DPP10: variants seen among roughly 807,000 people sequenced by gnomAD.
DPP10 encodes the protein inactive dipeptidyl peptidase 10.
Under a neutral mutation model 120.9 loss-of-function variants are expected in DPP10, and 33 were observed. That is an observed-to-expected ratio of 0.27 (90% CI 0.21 to 0.37). DPP10 has a LOEUF of 0.37. Ranked by LOEUF, DPP10 falls within the 10% of genes least tolerant of loss-of-function variation. The pLI is 1.00. For synonymous variants in DPP10, 337 were observed against 326.1 expected, an observed-to-expected ratio of 1.03 and a Z score of -0.36; for missense variants, 816 against 942.8, an observed-to-expected ratio of 0.87 and a Z score of 1.76.
At chr2:115,010,130 A>G (rs968943797) in intron 1 of DPP10, among the ~76,000 whole-genome samples, 1 of 152,222 alleles carries the variant, frequency 6.6e-6, no homozygotes, top group South Asian at 2.1e-4. Context: ...AATTAAGTAA[A>G]GCTAATCCAG....
intron 1 of DPP10, among the ~76,000 whole-genome samples, chr2:115,240,560 A>C (rs533938538): frequency 6.6e-6 from 1 of 151,900 alleles, no homozygotes; most frequent in Non-Finnish European, 1.5e-5. Flanking sequence ...GATTGCAAAA[A>C]TTTTTTCCAA....
intron 1 of DPP10, among the ~76,000 whole-genome samples, chr2:114,841,763 C>A (rs1390009030): frequency 6.6e-6 from 1 of 152,048 alleles, no homozygotes; most frequent in Non-Finnish European, 1.5e-5. Context: ...ACATGGAAAG[C>A]CATGATTGGG....
chr2:115,169,381 T>A (rs773040820), intron 1 of DPP10, among the ~76,000 whole-genome samples: 2 of 152,190 alleles, frequency 1.3e-5, no homozygotes, highest in African/African-American at 2.4e-5. Context: ...TTTGCACTTA[T>A]GTGAATGAAA....
chr2:115,826,364 T>C (rs1688315381), intron 21 of DPP10, among the ~76,000 whole-genome samples: 1 of 152,238 alleles, frequency 6.6e-6, no homozygotes, highest in South Asian at 2.1e-4. Flanking sequence ...ACTTTTTTAT[T>C]GTATAGATAC....
At chr2:115,110,092 C>T (rs4848379) in intron 1 of DPP10, among the ~76,000 whole-genome samples, 31,357 of 152,032 alleles carry the variant, frequency 0.21, 3,978 homozygotes, top group East Asian at 0.36. Flanking sequence ...CCTACCACAG[C>T]GCCTGGCAAA....
At chr2:115,025,237 T>G (rs566784277) in intron 1 of DPP10, among the ~76,000 whole-genome samples, 2 of 152,154 alleles carry the variant, frequency 1.3e-5, no homozygotes, top group East Asian at 3.9e-4. Context: ...CACACATATA[T>G]GTAAGAACAG....
intron 1 of DPP10, among the ~76,000 whole-genome samples, chr2:114,781,985 T>C (rs1051455961): frequency 1.3e-5 from 2 of 152,132 alleles, no homozygotes; most frequent in African/African-American, 4.8e-5. Context: ...TTTTTTATTC[T>C]TTAAATGTCG....
At chr2:115,381,848 T>C (rs2066395221) in intron 3 of DPP10, among the ~76,000 whole-genome samples, 1 of 151,664 alleles carries the variant, frequency 6.6e-6, no homozygotes, top group African/African-American at 2.4e-5. Context: ...GGGGGGTGCC[T>C]CCCAGTTAGG....
At chr2:115,476,032 C>G (rs1008522792) in intron 3 of DPP10, among the ~76,000 whole-genome samples, 1 of 151,956 alleles carries the variant, frequency 6.6e-6, no homozygotes, top group East Asian at 1.9e-4. Context: ...AGTTAAGACT[C>G]GGGGGGACTC....
chr2:115,834,314 C>G (rs1466550752), intron 21 of DPP10, among the ~76,000 whole-genome samples: 3 of 152,164 alleles, frequency 2.0e-5, no homozygotes, highest in African/African-American at 7.2e-5. Context: ...CTGGACCACA[C>G]TTGAGTCATC....
intron 5 of DPP10, among the ~76,000 whole-genome samples, chr2:115,681,400 AG>A (rs1462564070): frequency 1.3e-5 from 2 of 151,758 alleles, no homozygotes; most frequent in Non-Finnish European, 3.0e-5. Flanking sequence ...ATTATGTATG[AG>A]GGTATAGTGT....
chr2:115,065,543 T>C (rs115514527), intron 1 of DPP10: 2,486 of 152,280 alleles, frequency 0.016, 53 homozygotes, highest in African/African-American at 0.047. Flanking sequence ...CTCTTTATGT[T>C]TCAGGGATTC....
At chr2:115,108,697 T>C (rs565425709) in intron 1 of DPP10, among the ~76,000 whole-genome samples, 2 of 152,352 alleles carry the variant, frequency 1.3e-5, no homozygotes, top group South Asian at 2.1e-4. Context: ...AGCCACTTTT[T>C]CTACCATTAC....
At chr2:115,633,033 A>G (rs540047200) in intron 5 of DPP10, among the ~76,000 whole-genome samples, 4 of 152,332 alleles carry the variant, frequency 2.6e-5, no homozygotes, top group East Asian at 1.9e-4. Flanking sequence ...TGATTCCTCA[A>G]GGATCTAGAA....
intron 3 of DPP10, among the ~76,000 whole-genome samples, chr2:115,392,313 G>A (rs1253994580): frequency 6.6e-6 from 1 of 151,732 alleles, no homozygotes; most frequent in Non-Finnish European, 1.5e-5. Context: ...AGCTGTGCTG[G>A]GTTTTATTGT....
chr2:114,494,119 A>C (rs976234890), intron 1 of DPP10, among the ~76,000 whole-genome samples: 1 of 139,726 alleles, frequency 7.2e-6, no homozygotes, highest in Non-Finnish European at 1.6e-5. Context: ...AAAAAAAAAA[A>C]AACCCAGCAA....
intron 1 of DPP10, among the ~76,000 whole-genome samples, chr2:114,555,824 A>G (rs1054880868): frequency 5.3e-5 from 8 of 152,206 alleles, no homozygotes; most frequent in Non-Finnish European, 8.8e-5. Context: ...TTGTAACCCA[A>G]ATACTAAGAG....
intron 1 of DPP10, among the ~76,000 whole-genome samples, chr2:114,967,182 T>A (rs1409530299): frequency 6.6e-6 from 1 of 152,166 alleles, no homozygotes; most frequent in African/African-American, 2.4e-5. Flanking sequence ...TGAGCCAACA[T>A]TCTTATTTTA....
At chr2:115,293,780 T>G (rs969355008) in intron 1 of DPP10, among the ~76,000 whole-genome samples, 1 of 151,996 alleles carries the variant, frequency 6.6e-6, no homozygotes, top group African/African-American at 2.4e-5. Flanking sequence ...TCATAAACCC[T>G]GCATGATCCT....
Sources: gnomAD v4.1 joint callset for allele counts (sites outside exome capture counted in the v4.1 genomes callset) on GRCh38, gnomAD v4.1.1 for gene constraint, MANE v1.5 for transcripts, NCBI Gene and HGNC (gene_info 2026-07-23, HGNC 2026-07-21) for gene names.